Variants in NEBL observed in about 807,000 individuals in gnomAD.
NEBL encodes LIM and SH3 protein 2.
NEBL carries 122 observed loss-of-function variants against 140.2 expected under a neutral mutation model. The observed-to-expected ratio is 0.87, with a 90% CI of 0.75 to 1.01. The LOEUF (loss-of-function observed/expected upper bound fraction) is 1.01, where lower values mean the gene tolerates loss of function less well. Ranked by LOEUF, NEBL falls within the 50% of genes least tolerant of loss-of-function variation. The pLI is 0.00. For missense variants in NEBL, 1,365 were observed against 1,231.3 expected (o/e 1.11, Z -1.62); for synonymous variants, 436 against 398.9 (o/e 1.09, Z -1.11).
At chr10:21,108,493 G>C (rs1477822213) in intron 2 of NEBL, among the ~76,000 whole-genome samples, 1 of 152,304 alleles carries the variant, frequency 6.6e-6, no homozygotes, top group African/African-American at 2.4e-5. Context: ...TATTAATCCT[G>C]AGTTCCAATT....
At chr10:20,807,796 G>A (rs1261732512) in intron 26 of NEBL, among the ~76,000 whole-genome samples, 1 of 152,016 alleles carries the variant, frequency 6.6e-6, no homozygotes, top group Non-Finnish European at 1.5e-5. Flanking sequence ...AATGAGGTGA[G>A]GAAACATTTT....
intron 2 of NEBL, among the ~76,000 whole-genome samples, chr10:21,046,006 T>TACACAC (rs61617438): frequency 2.0e-4 from 30 of 150,098 alleles, no homozygotes; most frequent in African/African-American, 4.9e-4. Context: ...AAAAATGTGG[T>TACACAC]ACACACACAC....
At chr10:20,794,947 G>A (rs1588615325) in intron 26 of NEBL, among the ~76,000 whole-genome samples, 1 of 152,236 alleles carries the variant, frequency 6.6e-6, no homozygotes, top group Middle Eastern at 3.4e-3. Context: ...AGGAGCTGAA[G>A]GTTAGCAGAT....
chr10:20,885,257 G>A (rs962569419), intron 4 of NEBL, among the ~76,000 whole-genome samples: 55 of 152,086 alleles, frequency 3.6e-4, no homozygotes, highest in African/African-American at 1.3e-3. Flanking sequence ...TTCTTGCCCC[G>A]CTTATTAGGT....
intron 3 of NEBL, among the ~76,000 whole-genome samples, chr10:21,017,710 G>A (rs547465647): frequency 2.6e-5 from 4 of 152,166 alleles, no homozygotes; most frequent in Non-Finnish European, 4.4e-5. Context: ...GTGTGCCTTC[G>A]AAAGGGAGGA....
chr10:20,961,734 T>G (rs747256516), exon 4 of NEBL: 7 of 1,613,954 alleles, frequency 4.3e-6, no homozygotes, highest in Non-Finnish European at 5.9e-6. Flanking sequence ...GTGACGATGC[T>G]GAAGCCCCTC....
chr10:20,857,916 G>A (rs913503871), intron 9 of NEBL, among the ~76,000 whole-genome samples: 2 of 152,108 alleles, frequency 1.3e-5, no homozygotes, highest in African/African-American at 4.8e-5. Flanking sequence ...AAATATCCCT[G>A]ACTTGAGAGC....
rs536425907 is a variant in NEBL, at chr10:20,963,110, C to A, written c.250-1331G>T. Among the ~76,000 whole-genome samples the A allele has an allele frequency of 3.9e-5, 6 of 151,932 alleles. No individual in the cohort carries two copies. In the East Asian group the frequency reaches 5.8e-4, roughly 15 times the overall value. On this transcript the variant is annotated intron_variant, in intron 3 of 6. Transcript: ENST00000417816. ...TACCTAATTCTTCTCTCTGTACTTT[C>A]GATTTGTAAAAGCACTAAACCCCTT...
chr10:21,134,749 C>A (rs774313247), intron 2 of NEBL, among the ~76,000 whole-genome samples: 16 of 152,282 alleles, frequency 1.1e-4, no homozygotes, highest in South Asian at 2.1e-4. Context: ...GATGGGGAAA[C>A]CTTCTGGGAT....
chr10:20,924,413 T>TAAAAAAAAAAAA (rs71390800), intron 4 of NEBL, among the ~76,000 whole-genome samples: 6 of 59,060 alleles, frequency 1.0e-4, no homozygotes, highest in African/African-American at 1.3e-4. Flanking sequence ...AGGCATGAAG[T>TAAAAAAAAAAAA]AAAAAAAAAA....
At chr10:20,913,549 A>C (rs1257869091) in intron 4 of NEBL, among the ~76,000 whole-genome samples, 3 of 152,352 alleles carry the variant, frequency 2.0e-5, no homozygotes, top group Middle Eastern at 3.4e-3. Flanking sequence ...TGGTTATAAA[A>C]ATGAAAAAAT....
intron 2 of NEBL, among the ~76,000 whole-genome samples, chr10:21,076,734 A>T (rs1428663807): frequency 1.3e-5 from 2 of 152,228 alleles, no homozygotes; most frequent in Non-Finnish European, 2.9e-5. Flanking sequence ...ACTTGAGGAC[A>T]TTATAATTGA....
upstream of NEBL, among the ~76,000 whole-genome samples, chr10:20,900,890 A>C (rs1249271457): frequency 2.7e-5 from 4 of 148,450 alleles, no homozygotes; most frequent in African/African-American, 1.0e-4. Context: ...ATGGTGGCAC[A>C]CACCTGTAAT....
intron 3 of NEBL, among the ~76,000 whole-genome samples, chr10:21,004,707 G>T (rs761057881): frequency 6.7e-6 from 1 of 149,336 alleles, no homozygotes; most frequent in Non-Finnish European, 1.5e-5. Context: ...GGCACAAAGC[G>T]AGACTCATCT....
intron 4 of NEBL, among the ~76,000 whole-genome samples, chr10:20,884,762 A>G (rs1309641695): frequency 6.6e-6 from 1 of 152,268 alleles, no homozygotes; most frequent in Non-Finnish European, 1.5e-5. Flanking sequence ...CCAATGCCTG[A>G]GTAGCGTGAA....
At chr10:21,204,549 A>G (rs571399386) in intron 3 of NEBL, among the ~76,000 whole-genome samples, 1 of 152,228 alleles carries the variant, frequency 6.6e-6, no homozygotes, top group African/African-American at 2.4e-5. Flanking sequence ...CAGAAACTAT[A>G]CGGGCCAGAA....
In NEBL at chr10:20,852,427, T is replaced by C. The variant is rs147379763; in HGVS notation, c.1008+118A>G. 1.6e-4 allele frequency: 118 copies of C among 739,870 alleles called. No individual in the cohort carries two copies. In the African/African-American group the frequency reaches 1.8e-3, roughly 11 times the overall value. 45.8% of individuals were successfully genotyped at this position (739,870 alleles called of 1,614,324 possible). A position where few individuals can be genotyped will look rare whatever the true frequency, so the allele number is the denominator to read the frequency against. ...AAAAGTAATGTTAATATTCTCAGGA[T>C]TTATTCTTTTCTGCAACTGTACTTT... is the stretch of plus-strand genomic sequence containing the variant. On this transcript the variant is annotated intron_variant, in intron 10 of 27. Transcript: ENST00000377122.
chr10:20,798,832 T>C (rs1466894492), intron 26 of NEBL, among the ~76,000 whole-genome samples: 1 of 152,226 alleles, frequency 6.6e-6, no homozygotes, highest in Non-Finnish European at 1.5e-5. Flanking sequence ...GGCACATCGA[T>C]GAAAGACACA....
intron 3 of NEBL, among the ~76,000 whole-genome samples, chr10:21,199,793 C>T (rs1203330774): frequency 6.6e-6 from 1 of 152,184 alleles, no homozygotes; most frequent in South Asian, 2.1e-4. Flanking sequence ...GCTCTCACAC[C>T]CAGTGTGTGC....
Sources: allele counts gnomAD v4.1 joint callset (sites outside exome capture counted in the v4.1 genomes callset), GRCh38; gene constraint gnomAD v4.1.1; transcripts MANE v1.5; gene names NCBI Gene and HGNC (gene_info 2026-07-23, HGNC 2026-07-21).